Variants in CCDC33 observed in about 807,000 individuals in gnomAD.
CCDC33 encodes the protein coiled-coil domain containing 33, also known as coiled-coil domain-containing protein 33.
A neutral mutation model predicts 91.9 loss-of-function variants in CCDC33; 94 were observed. That is an observed-to-expected ratio of 1.02 (90% CI 0.87 to 1.21). CCDC33 has a LOEUF of 1.21. Among genes scored for constraint, CCDC33 ranks in the 50% most tolerant of loss-of-function variants. The pLI is 0.00. For synonymous variants in CCDC33, 396 were observed against 374.5 expected, an observed-to-expected ratio of 1.06 and a Z score of -0.66; for missense variants, 940 against 935.5, an observed-to-expected ratio of 1.00 and a Z score of -0.06.
intron 6 of CCDC33, 52 bp from the exon 7 acceptor site, chr15:74,272,719 C>T (rs1177615650): frequency 9.4e-6 from 15 of 1,599,556 alleles, no homozygotes; most frequent in African/African-American, 1.3e-5. Context: ...CCTGGGCTGC[C>T]AGGCTCAGGT....
At chr15:74,230,118 TGA>T (rs1196103901) in intron 2 of CCDC33, among the ~76,000 whole-genome samples, 2 of 152,204 alleles carry the variant, frequency 1.3e-5, no homozygotes, top group East Asian at 3.9e-4. Flanking sequence ...AGGCATGTCA[TGA>T]GTGTGGGTGT....
At chr15:74,225,529 C>G (rs2074766776) in intron 2 of CCDC33, among the ~76,000 whole-genome samples, 1 of 151,824 alleles carries the variant, frequency 6.6e-6, no homozygotes, top group Non-Finnish European at 1.5e-5. Flanking sequence ...AGAGACCCCC[C>G]TACCCTCCAC....
intron 1 of CCDC33, among the ~76,000 whole-genome samples, chr15:74,203,841 C>G (rs1389385500): frequency 3.9e-5 from 6 of 152,028 alleles, no homozygotes; most frequent in Non-Finnish European, 8.8e-5. Flanking sequence ...AAGAAAAGAA[C>G]CTTTCCGTGG....
At chr15:74,336,365 G>A, downstream of CCDC33, 5 of 1,340,098 alleles carry the variant, frequency 3.7e-6, no homozygotes, top group Middle Eastern at 2.0e-4. Flanking sequence ...TCCAGACCCG[G>A]AGAAGAAGCA....
intron 4 of CCDC33, among the ~76,000 whole-genome samples, chr15:74,267,693 G>A (rs2076204476): frequency 6.6e-6 from 1 of 150,930 alleles, no homozygotes; most frequent in Non-Finnish European, 1.5e-5. Context: ...GACCAAGTTT[G>A]TTGCCTCCTA....
chr15:74,254,288 C>T (rs781080704), intron 2 of CCDC33, among the ~76,000 whole-genome samples: 6 of 152,246 alleles, frequency 3.9e-5, no homozygotes, highest in Non-Finnish European at 7.3e-5. Flanking sequence ...GCCTCAGCCT[C>T]CCAAAGTGCT....
chr15:74,225,115 G>GGTGTGTGTGTGT (rs1424751006), intron 2 of CCDC33, among the ~76,000 whole-genome samples: 16 of 117,194 alleles, frequency 1.4e-4, no homozygotes, highest in African/African-American at 5.8e-4. Context: ...ACCTCCTGGA[G>GGTGTGTGTGTGT]GCGTGTGTGT....
chr15:74,233,560 G>C (rs1480372036), upstream of CCDC33, among the ~76,000 whole-genome samples: 3 of 152,170 alleles, frequency 2.0e-5, no homozygotes, highest in Non-Finnish European at 4.4e-5. Flanking sequence ...GCTCTAACTG[G>C]GCCCCTTGAG....
At chr15:74,227,799 A>G (rs12901093) in intron 2 of CCDC33, among the ~76,000 whole-genome samples, 88,083 of 151,962 alleles carry the variant, frequency 0.58, 26,454 homozygotes, top group Admixed American at 0.67. Flanking sequence ...AAGTCATTTT[A>G]CTTCTCTGAC....
At chr15:74,298,395 T>C (rs1192062030) in intron 11 of CCDC33, among the ~76,000 whole-genome samples, 1 of 152,158 alleles carries the variant, frequency 6.6e-6, no homozygotes, top group East Asian at 1.9e-4. Context: ...AACAATGTTT[T>C]CAACATCTGA....
chr15:74,216,502 A>G (rs1325171219), upstream of CCDC33, among the ~76,000 whole-genome samples: 1 of 133,884 alleles, frequency 7.5e-6, no homozygotes, highest in Non-Finnish European at 1.6e-5. Context: ...AGCCTGCTGT[A>G]TACATTGGGA....
At chr15:74,222,863 C>T (rs926229554) in intron 2 of CCDC33, among the ~76,000 whole-genome samples, 1 of 151,344 alleles carries the variant, frequency 6.6e-6, no homozygotes, top group South Asian at 2.1e-4. Flanking sequence ...GGCGCTCTCC[C>T]AGCCCCAGGC....
chr15:74,209,505 CAT>C lies in CCDC33; in HGVS notation n.208_209del, dbSNP rs2074336617. Reference sequence around the variant, plus strand: ...GGCCCTGACCACAGCTAAGGGGAGTCATCACAGGGCTTCAGGGCTGGAATTCC... The same window carrying C: ...GGCCCTGACCACAGCTAAGGGGAGTCCACAGGGCTTCAGGGCTGGAATTCC... On this transcript the variant is annotated non_coding_transcript_exon_variant, in exon 2 of 4. Coordinates refer to the CCDC33 transcript ENST00000558645. 4.9e-6 allele frequency: 7 copies of C among 1,441,702 alleles called. No individual in the cohort carries two copies. The African/African-American group carries it at 9.9e-5, about 20-fold the overall frequency. The allele number at this position is 1,441,702 out of a possible 1,614,324, so 89.3% of individuals were successfully genotyped here.
chr15:74,209,621 T>C (rs1463855943), intron 2 of CCDC33: 1 of 611,842 alleles, frequency 1.6e-6, no homozygotes, highest in East Asian at 2.8e-5. Context: ...GCTGGGGTTC[T>C]GGAGTCCTGC....
chr15:74,232,548 C>T (rs1026266556), upstream of CCDC33, among the ~76,000 whole-genome samples: 11 of 152,202 alleles, frequency 7.2e-5, no homozygotes, highest in African/African-American at 2.2e-4. Flanking sequence ...GACTCTTGCC[C>T]CTTCCCCCAT....
chr15:74,224,904 G>A (rs149084908), intron 2 of CCDC33, among the ~76,000 whole-genome samples: 209 of 152,304 alleles, frequency 1.4e-3, no homozygotes, highest in African/African-American at 4.7e-3. Context: ...TCCCAAGGGA[G>A]GGGTGTTAGG....
intron 2 of CCDC33, among the ~76,000 whole-genome samples, chr15:74,223,843 AT>A (rs957173756): frequency 2.1e-5 from 3 of 139,838 alleles, no homozygotes; most frequent in African/African-American, 7.5e-5. Context: ...ATTTACATTG[AT>A]TTTCTCCTCT....
intron 7 of CCDC33, among the ~76,000 whole-genome samples, 163 bp from the exon 8 acceptor site, chr15:74,279,800 G>C (rs1284169912): frequency 6.6e-6 from 1 of 152,234 alleles, no homozygotes; most frequent in Non-Finnish European, 1.5e-5. Flanking sequence ...GCCTCCCGAA[G>C]TGCTGGAATT....
At chr15:74,310,836 C>G (rs944307519) in intron 11 of CCDC33, among the ~76,000 whole-genome samples, 1 of 152,130 alleles carries the variant, frequency 6.6e-6, no homozygotes, top group African/African-American at 2.4e-5. Context: ...GGGTGACAGG[C>G]AGGGGAGGTG....
Sources: allele counts gnomAD v4.1 joint callset (sites outside exome capture counted in the v4.1 genomes callset), GRCh38; gene constraint gnomAD v4.1.1; transcripts MANE v1.5; gene names NCBI Gene and HGNC (gene_info 2026-07-23, HGNC 2026-07-21).